Variants in ARHGAP6 observed in about 807,000 individuals in gnomAD.
ARHGAP6 encodes Rho GTPase activating protein 6, also known as rho GTPase-activating protein 6.
ARHGAP6 carries 16 observed loss-of-function variants against 55.7 expected under a neutral mutation model. That is an observed-to-expected ratio of 0.29 (90% CI 0.19 to 0.44). ARHGAP6 has a LOEUF of 0.44. Ranked by LOEUF, ARHGAP6 falls within the 20% of genes least tolerant of loss-of-function variation. The pLI, the probability that ARHGAP6 is intolerant of heterozygous loss-of-function variation, is 1.00. For synonymous variants in ARHGAP6, 382 were observed against 360.9 expected (o/e 1.06, Z -0.66); for missense variants, 698 against 808.9 (o/e 0.86, Z 1.66).
chrX:11,573,400 A>G (rs911816488), intron 1 of ARHGAP6, among the ~76,000 whole-genome samples: 5 of 110,849 alleles, frequency 4.5e-5, no homozygotes, highest in African/African-American at 1.6e-4. Context: ...AGCCTTCTAC[A>G]TATGGCTAGC....
At chrX:11,306,451 A>T (rs1279994674) in intron 1 of ARHGAP6, among the ~76,000 whole-genome samples, 1 of 112,826 alleles carries the variant, frequency 8.9e-6, no homozygotes, top group Non-Finnish European at 1.9e-5. Context: ...GTCATATAAA[A>T]GTAATGATAA....
At chrX:11,497,559 TTCTCTCTCTCTC>T (rs34138329) in intron 1 of ARHGAP6, among the ~76,000 whole-genome samples, 1 of 41,135 alleles carries the variant, frequency 2.4e-5, no homozygotes, top group African/African-American at 9.3e-5. Flanking sequence ...CCCTCCCTCC[TTCTCTCTCTCTC>T]TCTCTCTCTC....
intron 1 of ARHGAP6, among the ~76,000 whole-genome samples, chrX:11,259,169 C>T (rs1390922535): frequency 9.0e-5 from 10 of 111,527 alleles, no homozygotes; most frequent in Non-Finnish European, 1.9e-5. Context: ...TGGTAACCGT[C>T]CTTCTACTCT....
chrX:11,461,472 G>A (rs1439605121), intron 1 of ARHGAP6, among the ~76,000 whole-genome samples: 11 of 111,731 alleles, frequency 9.8e-5, no homozygotes, highest in Admixed American at 3.8e-4. Flanking sequence ...ACAAAGGGGG[G>A]AGCTATCTGT....
intron 1 of ARHGAP6, among the ~76,000 whole-genome samples, chrX:11,417,097 TATATATATAC>T (rs2049760856): frequency 1.5e-5 from 1 of 68,140 alleles, no homozygotes; most frequent in African/African-American, 5.2e-5. Context: ...TATATATATA[TATATATATAC>T]ACATACATAT....
chrX:11,439,941 A>C (rs764819143), intron 1 of ARHGAP6, among the ~76,000 whole-genome samples: 2 of 112,576 alleles, frequency 1.8e-5, no homozygotes, highest in Non-Finnish European at 3.8e-5. Flanking sequence ...CCTCTCACTA[A>C]TTAGTGTTTC....
At chrX:11,517,191 C>T (rs2050850682) in intron 1 of ARHGAP6, among the ~76,000 whole-genome samples, 1 of 111,661 alleles carries the variant, frequency 9.0e-6, no homozygotes, top group Admixed American at 9.6e-5. Context: ...GTTGGTTAGC[C>T]CAGGCATGAC....
intron 2 of ARHGAP6, among the ~76,000 whole-genome samples, chrX:11,209,253 T>C (rs568481277): frequency 2.9e-4 from 33 of 112,147 alleles, no homozygotes; most frequent in African/African-American, 1.1e-3. Context: ...GTGATTCTTG[T>C]GCCTCAGCCA....
At chrX:11,461,287 T>G (rs890626562) in intron 1 of ARHGAP6, among the ~76,000 whole-genome samples, 1 of 112,045 alleles carries the variant, frequency 8.9e-6, no homozygotes, top group Non-Finnish European at 1.9e-5. Flanking sequence ...ATTACTGACA[T>G]GTTCACGAAA....
chrX:11,629,656 C>T (rs1306446162), intron 1 of ARHGAP6, among the ~76,000 whole-genome samples: 1 of 110,450 alleles, frequency 9.1e-6, no homozygotes, highest in Non-Finnish European at 1.9e-5. Context: ...CATACTCCCA[C>T]GAATTGTAAG....
At chrX:11,577,337 A>C (rs930248245) in intron 1 of ARHGAP6, among the ~76,000 whole-genome samples, 1 of 112,170 alleles carries the variant, frequency 8.9e-6, no homozygotes, top group Non-Finnish European at 1.9e-5. Context: ...TCATCGAAGG[A>C]AACTGGGACT....
intron 1 of ARHGAP6, among the ~76,000 whole-genome samples, chrX:11,389,820 A>C (rs1011527852): frequency 2.7e-5 from 3 of 111,829 alleles, no homozygotes; most frequent in Non-Finnish European, 3.8e-5. Context: ...TATCACCCCC[A>C]AACATGAGAA....
chrX:11,297,991 C>T, intron 1 of ARHGAP6: 1 of 770,114 alleles, frequency 1.3e-6, no homozygotes, highest in Non-Finnish European at 2.0e-6. Flanking sequence ...AGTAATAATA[C>T]TTGCCTCCTA....
intron 1 of ARHGAP6, among the ~76,000 whole-genome samples, chrX:11,332,410 G>A (rs1287366208): frequency 9.0e-6 from 1 of 111,463 alleles, no homozygotes; most frequent in East Asian, 2.8e-4. Flanking sequence ...ATGTTCTAGA[G>A]GACACATACA....
chrX:11,566,755 C>A (rs2051445719), intron 1 of ARHGAP6, among the ~76,000 whole-genome samples: 1 of 111,659 alleles, frequency 9.0e-6, no homozygotes, highest in East Asian at 2.8e-4. Flanking sequence ...AAACCATGTA[C>A]AAGACAAAGT....
intron 1 of ARHGAP6, among the ~76,000 whole-genome samples, chrX:11,439,472 C>A (rs1017574508): frequency 5.3e-5 from 6 of 112,187 alleles, no homozygotes; most frequent in African/African-American, 1.9e-4. Context: ...AAATATCTGG[C>A]CTTTTGCAGA....
In ARHGAP6 at chrX:11,138,636, G is replaced by A; in HGVS notation, c.*227C>T. 2.3e-6 allele frequency: 1 copy of A among 433,613 alleles called. No homozygotes were observed. Among genetic ancestry groups the A allele is most frequent in the Non-Finnish European group, 4.0e-6 (1 of 252,775 alleles). The allele number at this position is 433,613 out of a possible 1,213,427, so 35.7% of individuals were successfully genotyped here. A position where few individuals can be genotyped will look rare whatever the true frequency, so the allele number is the denominator to read the frequency against. On this transcript the variant is annotated 3_prime_UTR_variant, in exon 13 of 13. Transcript: ENST00000337414. ...GTTTTTAGATTGGACATTGCCATCT[G>A]GTTTGGGTTCTGTTTGTTTTTCCTA...
intron 2 of ARHGAP6, among the ~76,000 whole-genome samples, chrX:11,239,228 C>G (rs1326833766): frequency 1.8e-5 from 2 of 111,330 alleles, no homozygotes; most frequent in Admixed American, 1.9e-4. Context: ...CTTCATAACT[C>G]TCTGTAATTC....
At chrX:11,255,186 T>C (rs2047477746) in intron 1 of ARHGAP6, among the ~76,000 whole-genome samples, 1 of 111,624 alleles carries the variant, frequency 9.0e-6, no homozygotes, top group East Asian at 2.8e-4. Flanking sequence ...CATGGTGATA[T>C]TTCTATACAT....
Sources: gnomAD v4.1 joint callset for allele counts (sites outside exome capture counted in the v4.1 genomes callset) on GRCh38, gnomAD v4.1.1 for gene constraint, MANE v1.5 for transcripts, NCBI Gene and HGNC (gene_info 2026-07-23, HGNC 2026-07-21) for gene names.